The following EPHX1 variants were observed in gnomAD, a reference collection of about 807,000 sequenced individuals.
EPHX1 encodes epoxide hydratase.
Under a neutral mutation model 43.2 loss-of-function variants are expected in EPHX1, and 40 were observed. The ratio of observed to expected loss-of-function variants is 0.93; its 90% CI spans 0.72 to 1.21. The LOEUF (loss-of-function observed/expected upper bound fraction) is 1.21. Among genes scored for constraint, EPHX1 ranks in the 50% most tolerant of loss-of-function variants. The probability of loss-of-function intolerance (pLI) is 0.00; values close to 1 mark genes in which losing one functional copy is unlikely to be tolerated. For missense variants in EPHX1, 550 were observed against 570.4 expected (o/e 0.96, Z 0.36); for synonymous variants, 221 against 226.7 (o/e 0.98, Z 0.22).
intron 1 of EPHX1, among the ~76,000 whole-genome samples, chr1:225,822,547 A>C (rs1667022355): frequency 6.6e-6 from 1 of 152,210 alleles, no homozygotes; most frequent in Middle Eastern, 3.2e-3. Flanking sequence ...TTTACTTCTC[A>C]GTTTTTCATG....
intron 1 of EPHX1, among the ~76,000 whole-genome samples, chr1:225,820,332 G>A (rs1666927344): frequency 6.6e-6 from 1 of 152,048 alleles, no homozygotes; most frequent in African/African-American, 2.4e-5. Flanking sequence ...CAGGTGATCT[G>A]CCCACCTTGG....
chr1:225,819,362 A>G (rs906935564), intron 1 of EPHX1, among the ~76,000 whole-genome samples: 1 of 151,978 alleles, frequency 6.6e-6, no homozygotes, highest in African/African-American at 2.4e-5. Context: ...AGATCGTGCC[A>G]CTGCACTCCA....
At chr1:225,813,265 A>G (rs1467143) in intron 1 of EPHX1, among the ~76,000 whole-genome samples, 91,210 of 151,996 alleles carry the variant, frequency 0.6, 28,563 homozygotes, top group East Asian at 0.84. Flanking sequence ...AGAGTTCAAG[A>G]GCCCTGAGTC....
intron 2 of EPHX1, among the ~76,000 whole-genome samples, chr1:225,829,920 A>G (rs563116102): frequency 5.3e-5 from 8 of 152,054 alleles, no homozygotes; most frequent in Non-Finnish European, 8.8e-5. Flanking sequence ...CTAAAAATAC[A>G]AAAAATTAGC....
chr1:225,845,284 T>G lies in EPHX1; in HGVS notation c.1305T>G (p.Phe435Leu), dbSNP rs778087692. 17 of 1,613,120 alleles carry G rather than the reference T, an allele frequency of 1.1e-5. No homozygotes were observed. The African/African-American group carries it at 2.0e-4, about 19-fold the overall frequency. ...YMVRGGHFAA[F>L]EEPELLAQDI... ...TTCGTGGGGGCCACTTTGCGGCCTT[T>G]GAGGAGCCGGAGCTGCTCGCCCAGG... Residue 435 changes from phenylalanine (F) to leucine (L), a missense_variant, in exon 9 of 9, where the codon TTT becomes TTG. By Grantham distance (22) the Phe-to-Leu change is conservative. Coordinates refer to ENST00000272167, the MANE Select transcript of EPHX1 (RefSeq NM_001136018.4).
chr1:225,819,764 C>G (rs1666899598), intron 1 of EPHX1, among the ~76,000 whole-genome samples: 1 of 152,196 alleles, frequency 6.6e-6, no homozygotes, highest in African/African-American at 2.4e-5. Flanking sequence ...ACACAAGGTA[C>G]TGTCTGGGCC....
chr1:225,845,470 C>CGCTCACCCCCTCACCCCTCCAA lies in EPHX1; in HGVS notation c.*130_*151dup. ...GTCCCCTGCCCATGCTGGGAGCCCA[C>CGCTCACCCCCTCACCCCTCCAA]GCTCACCCCCTCACCCCTCCAAGCT... On this transcript the variant is annotated 3_prime_UTR_variant, in exon 9 of 9. Transcript: ENST00000272167. 3 of 981,318 alleles carry CGCTCACCCCCTCACCCCTCCAA rather than the reference C, an allele frequency of 3.1e-6. No individual in the cohort carries two copies. The highest frequency in any genetic ancestry group is 4.6e-6 in the Non-Finnish European group (3 of 658,784). 60.8% of individuals were successfully genotyped at this position (981,318 alleles called of 1,614,324 possible).
intron 8 of EPHX1, 126 bp downstream of exon 8, chr1:225,844,749 GC>G: frequency 1.4e-6 from 2 of 1,445,660 alleles, no homozygotes; most frequent in Middle Eastern, 4.7e-4. Flanking sequence ...TGCCCCAGGG[GC>G]CCTTGGATGG....
chr1:225,828,856 A>C lies in EPHX1; in HGVS notation c.127A>C (p.Arg43=). 5 of 1,609,138 alleles carry C rather than the reference A, an allele frequency of 3.1e-6. No individual in the cohort carries two copies. Among genetic ancestry groups the C allele is most frequent in the Non-Finnish European group, 4.2e-6 (5 of 1,177,260 alleles). ...GGGGCCAGGCACGAGGTCCGCAGCC[A>C]GGGAGGACGACAGCATCCGCCCTTT... ...WWGPGTRSAA[R]EDDSIRPFKV... The change falls in exon 2 of 9, where the codon AGG becomes CGG. Residue 43 remains arginine (R), a synonymous_variant. Coordinates refer to ENST00000272167, the MANE Select transcript of EPHX1 (RefSeq NM_001136018.4).
intron 1 of EPHX1, among the ~76,000 whole-genome samples, chr1:225,827,377 C>T (rs976431327): frequency 1.3e-5 from 2 of 152,124 alleles, no homozygotes; most frequent in African/African-American, 4.8e-5. Flanking sequence ...AAGGACGGCC[C>T]GCATATTCAT....
In EPHX1 at chr1:225,838,719, T is replaced by C. The variant is rs1668114238; in HGVS notation, c.430T>C (p.Leu144=). Residue 144 remains leucine, a synonymous_variant, in exon 4 of 9, where the codon TTG becomes CTG. Transcript: ENST00000272167. Reference sequence around the variant, plus strand: ...GCCCGCAGGCCATACCCCGAAGCCCTTGCTGATGGTGCACGGCTGGCCCGG... The same window carrying C: ...GCCCGCAGGCCATACCCCGAAGCCCCTGCTGATGGTGCACGGCTGGCCCGG... ...QLPAGHTPKP[L]LMVHGWPGSF... is the part of the protein sequence containing the mutation. The C allele has an allele frequency of 6.2e-7, 1 of 1,614,052 alleles. No individual in the cohort carries two copies. The highest frequency in any genetic ancestry group is 8.5e-7 in the Non-Finnish European group (1 of 1,180,028).
rs372505975 is a variant in EPHX1, at chr1:225,828,791, G to A, written c.62G>A (p.Arg21Gln). The change falls in exon 2 of 9, where the codon CGG (arginine) becomes CAG (glutamine). Residue 21 changes from arginine to glutamine, a missense_variant. Arg to Gln is a conservative substitution (Grantham distance 43, BLOSUM62 1). Transcript: ENST00000272167. ...LGFAIYWFIS[R>Q]DKEETLPLED... ...TTTGCCATCTACTGGTTCATCTCCC[G>A]GGACAAAGAGGAAACTTTGCCACTT... The A allele has an allele frequency of 1.1e-5, 18 of 1,613,674 alleles. No homozygotes were observed. In the Middle Eastern group the frequency reaches 5.0e-4, roughly 44 times the overall value.
chr1:225,844,731 C>T (rs758862380), intron 8 of EPHX1, 108 bp downstream of exon 8: 80 of 1,522,254 alleles, frequency 5.3e-5, no homozygotes, highest in Non-Finnish European at 4.9e-5. Flanking sequence ...TATAGCCTTG[C>T]CTGCAGGTGC....
At chr1:225,831,571 AAAG>A (rs1667602569) in intron 2 of EPHX1, among the ~76,000 whole-genome samples, 1 of 149,844 alleles carries the variant, frequency 6.7e-6, no homozygotes. Flanking sequence ...AAAAAAGAAA[AAAG>A]AAATGCGAAG....
intron 1 of EPHX1, among the ~76,000 whole-genome samples, chr1:225,813,446 G>A (rs747439579): frequency 9.2e-5 from 14 of 152,354 alleles, no homozygotes; most frequent in Admixed American, 3.9e-4. Flanking sequence ...GGACCAAAGC[G>A]TTGCCAAGGA....
At chr1:225,832,940 T>C (rs975571141) in intron 3 of EPHX1, among the ~76,000 whole-genome samples, 5 of 152,264 alleles carry the variant, frequency 3.3e-5, no homozygotes, top group East Asian at 1.9e-4. Flanking sequence ...GAATAAAATC[T>C]CTTATATTTG....
intron 2 of EPHX1, among the ~76,000 whole-genome samples, chr1:225,831,248 A>G (rs1254152365): frequency 2.6e-5 from 4 of 152,194 alleles, no homozygotes; most frequent in Admixed American, 2.6e-4. Context: ...TCGTGTATAC[A>G]CTTAAAGAGT....
At chr1:225,845,124 C>T (rs1668841057) in intron 8 of EPHX1, 22 bp from the exon 9 acceptor site, 1 of 1,613,584 alleles carries the variant, frequency 6.2e-7, no homozygotes, top group African/African-American at 1.3e-5. Context: ...CCTCACCCCT[C>T]CGTCGGCTCT....
chr1:225,838,639 G>A lies in EPHX1; in HGVS notation c.365-15G>A, dbSNP rs755312910. 2 of 1,609,342 alleles carry A rather than the reference G, an allele frequency of 1.2e-6. No homozygotes were observed. Among genetic ancestry groups the A allele is most frequent in the South Asian group, 2.2e-5 (2 of 90,946 alleles). Reference sequence around the variant, plus strand: ...TTCTCTCTCCCTCCACCCTGACTGTGCTCTGTCCCCCCAGGGCTGGACATC... The same window carrying A: ...TTCTCTCTCCCTCCACCCTGACTGTACTCTGTCCCCCCAGGGCTGGACATC... On this transcript the variant is annotated splice_polypyrimidine_tract_variant and intron_variant, in intron 3 of 8. Transcript: ENST00000272167.
Sources: gnomAD v4.1 joint callset for allele counts (sites outside exome capture counted in the v4.1 genomes callset) on GRCh38, gnomAD v4.1.1 for gene constraint, MANE v1.5 for transcripts, NCBI Gene and HGNC (gene_info 2026-07-23, HGNC 2026-07-21) for gene names.